The following DGKI variants were observed in gnomAD, a reference collection of about 807,000 sequenced individuals.
The protein encoded by DGKI is diacylglycerol kinase iota.
A neutral mutation model predicts 147.5 loss-of-function variants in DGKI; 55 were observed. The observed-to-expected ratio is 0.37, with a 90% CI of 0.30 to 0.47. The LOEUF is 0.47. Ranked by LOEUF, DGKI falls within the 20% of genes least tolerant of loss-of-function variation. The pLI is 1.00. For missense variants in DGKI, 1,007 were observed against 1,323.8 expected, an observed-to-expected ratio of 0.76 and a Z score of 3.71; for synonymous variants, 469 against 477.1, an observed-to-expected ratio of 0.98 and a Z score of 0.22.
At chr7:137,729,844 T>A (rs1439968609) in intron 1 of DGKI, among the ~76,000 whole-genome samples, 1 of 152,072 alleles carries the variant, frequency 6.6e-6, no homozygotes, top group Non-Finnish European at 1.5e-5. Context: ...CACTCCTTCA[T>A]CTCCTTAATG....
chr7:137,767,052 G>C (rs2116830761), intron 1 of DGKI, among the ~76,000 whole-genome samples: 1 of 152,268 alleles, frequency 6.6e-6, no homozygotes, highest in African/African-American at 2.4e-5. Context: ...TGTCCTGTCA[G>C]CTCTTCAGAG....
intron 1 of DGKI, among the ~76,000 whole-genome samples, chr7:137,702,494 C>A (rs1824017002): frequency 6.6e-6 from 1 of 152,174 alleles, no homozygotes; most frequent in Non-Finnish European, 1.5e-5. Flanking sequence ...TTCCTCAGAA[C>A]TCTTGAGATT....
chr7:137,845,499 T>C (rs1292754572), intron 1 of DGKI, among the ~76,000 whole-genome samples: 5 of 152,188 alleles, frequency 3.3e-5, no homozygotes. Context: ...CAAGTGTACA[T>C]CTTTGTAAAC....
chr7:137,703,618 A>C (rs923503874), intron 1 of DGKI, among the ~76,000 whole-genome samples: 1 of 152,322 alleles, frequency 6.6e-6, no homozygotes, highest in African/African-American at 2.4e-5. Context: ...CAATAATTAG[A>C]TCATTAGATG....
At chr7:137,609,954 G>A (rs1332119163) in intron 8 of DGKI, among the ~76,000 whole-genome samples, 1 of 152,062 alleles carries the variant, frequency 6.6e-6, no homozygotes, top group Non-Finnish European at 1.5e-5. Flanking sequence ...AACCAGGTTC[G>A]TCTCCCGCCC....
intron 3 of DGKI, among the ~76,000 whole-genome samples, chr7:137,661,862 T>G (rs951065164): frequency 6.6e-6 from 1 of 152,208 alleles, no homozygotes; most frequent in Non-Finnish European, 1.5e-5. Flanking sequence ...GGGAGGAACC[T>G]TCCTAAGCTC....
intron 5 of DGKI, among the ~76,000 whole-genome samples, chr7:137,651,892 AATAATACCTAATACATTTAGCATATAGG>A (rs1415946389): frequency 6.6e-6 from 1 of 152,252 alleles, no homozygotes; most frequent in Non-Finnish European, 1.5e-5. Flanking sequence ...CAGAAAAATA[AATAATACCTAATACATTTAGCATATAGG>A]AGATCATAGG....
At chr7:137,671,808 G>C (rs1238001348) in intron 3 of DGKI, among the ~76,000 whole-genome samples, 1 of 152,142 alleles carries the variant, frequency 6.6e-6, no homozygotes, top group Non-Finnish European at 1.5e-5. Context: ...AGAAAACTTA[G>C]AATTAAGGCA....
At chr7:137,829,623 TTAA>T (rs1285389787) in intron 1 of DGKI, among the ~76,000 whole-genome samples, 1 of 152,234 alleles carries the variant, frequency 6.6e-6, no homozygotes, top group African/African-American at 2.4e-5. Context: ...TTTAGTTTAC[TTAA>T]TTAGTTTTGG....
chr7:137,396,413 T>C lies in DGKI; in HGVS notation c.2958-716A>G, dbSNP rs181556022. On this transcript the variant is annotated intron_variant, in intron 31 of 32. Coordinates refer to ENST00000614521, the MANE Select transcript of DGKI (RefSeq NM_001321708.2). ...ATTTCCCCATCACTGACAGGCTCTA[T>C]AGGGAGGAGGGTATTCCTATCCTGA... Among the ~76,000 whole-genome samples, 14 of 152,316 alleles carry C rather than the reference T, an allele frequency of 9.2e-5. No homozygotes were observed. In the East Asian group the frequency reaches 2.1e-3, roughly 23 times the overall value.
intron 32 of DGKI, among the ~76,000 whole-genome samples, chr7:137,391,655 AGT>A: frequency 6.6e-6 from 1 of 152,318 alleles, no homozygotes; most frequent in South Asian, 2.1e-4. Flanking sequence ...AGAAGGAAAC[AGT>A]GGGGTAAAGC....
intron 1 of DGKI, among the ~76,000 whole-genome samples, chr7:137,815,810 A>T (rs1326961337): frequency 6.6e-6 from 1 of 152,230 alleles, no homozygotes; most frequent in Non-Finnish European, 1.5e-5. Flanking sequence ...GACTTTAGAT[A>T]GAAGCTTGTG....
At chr7:137,589,056 G>A (rs888216507) in intron 12 of DGKI, among the ~76,000 whole-genome samples, 1 of 152,096 alleles carries the variant, frequency 6.6e-6, no homozygotes, top group Non-Finnish European at 1.5e-5. Flanking sequence ...ACCCCCTTCT[G>A]GATATGGCCA....
rs141859336 is a variant in DGKI, at chr7:137,841,258, G to A, written c.401+5204C>T. Among the ~76,000 whole-genome samples the A allele has an allele frequency of 3.2e-3, 483 of 152,328 alleles. 2 individuals are homozygous for A. Among genetic ancestry groups the A allele is most frequent in the Middle Eastern group, 0.017 (5 of 294 alleles). On this transcript the variant is annotated intron_variant, in intron 1 of 32. Transcript: ENST00000614521. Reference sequence around the variant, plus strand: ...GTGAACAAGCCAGCAATGAGTTGTGGAAGCATTATGGGCAAACAGACTTAG... The same window carrying A: ...GTGAACAAGCCAGCAATGAGTTGTGAAAGCATTATGGGCAAACAGACTTAG...
At chr7:137,730,637 C>T (rs1313259249) in intron 1 of DGKI, among the ~76,000 whole-genome samples, 2 of 152,032 alleles carry the variant, frequency 1.3e-5, no homozygotes, top group Non-Finnish European at 2.9e-5. Context: ...CAATAAATGA[C>T]ACATATTTAA....
At chr7:137,753,360 C>T (rs895594337) in intron 1 of DGKI, among the ~76,000 whole-genome samples, 24 of 152,174 alleles carry the variant, frequency 1.6e-4, no homozygotes, top group African/African-American at 4.3e-4. Flanking sequence ...TAAACTCAGC[C>T]GGGATCCCTG....
intron 26 of DGKI, among the ~76,000 whole-genome samples, chr7:137,464,735 A>T (rs1814589036): frequency 6.6e-6 from 1 of 152,250 alleles, no homozygotes; most frequent in Admixed American, 6.5e-5. Flanking sequence ...AAAGTGAAAA[A>T]AAGTAAATCA....
chr7:137,694,300 C>G (rs13222186), intron 1 of DGKI, among the ~76,000 whole-genome samples: 1 of 146,910 alleles, frequency 6.8e-6, no homozygotes, highest in Non-Finnish European at 1.5e-5. Context: ...CCAGCCTGGG[C>G]GACAGCGAGA....
chr7:137,453,905 G>A (rs995646859), intron 27 of DGKI, among the ~76,000 whole-genome samples: 1 of 150,522 alleles, frequency 6.6e-6, no homozygotes, highest in African/African-American at 2.5e-5. Flanking sequence ...CCCCATGTGA[G>A]CTGGGCTTGA....
Sources: gnomAD v4.1 joint callset for allele counts (sites outside exome capture counted in the v4.1 genomes callset) on GRCh38, gnomAD v4.1.1 for gene constraint, MANE v1.5 for transcripts, NCBI Gene and HGNC (gene_info 2026-07-23, HGNC 2026-07-21) for gene names.